Variants in RAB23 observed in about 807,000 individuals in gnomAD.
RAB23 encodes the protein RAB23, member RAS oncogene family.
Under a neutral mutation model 30.0 loss-of-function variants are expected in RAB23, and 15 were observed. The ratio of observed to expected loss-of-function variants is 0.50; its 90% CI spans 0.33 to 0.77. The LOEUF is 0.77. Ranked by LOEUF, RAB23 falls within the 30% of genes least tolerant of loss-of-function variation. The pLI is 0.02. For synonymous variants in RAB23, 93 were observed against 94.0 expected (o/e 0.99, Z 0.06); for missense variants, 243 against 275.4 (o/e 0.88, Z 0.83).
intron 2 of RAB23, among the ~76,000 whole-genome samples, chr6:57,207,972 A>G (rs1254176500): frequency 6.6e-6 from 1 of 152,210 alleles, no homozygotes; most frequent in African/African-American, 2.4e-5. Flanking sequence ...GAACTATTAT[A>G]AATCCTTATG....
rs369247420 is a variant in RAB23 at position 57,195,983 on chromosome 6, T to C, written c.398+467A>G. On this transcript the variant is annotated intron_variant, in intron 4 of 6. Coordinates refer to ENST00000468148, the MANE Select transcript of RAB23 (RefSeq NM_016277.5). Reference sequence around the variant, plus strand: ...AAAATAATAATACAATAAGTAAATATTTATGAACAGAAATTATCTGTTCAC... The same window carrying C: ...AAAATAATAATACAATAAGTAAATACTTATGAACAGAAATTATCTGTTCAC... Among the ~76,000 whole-genome samples the C allele has an allele frequency of 3.9e-5, 6 of 152,278 alleles. No homozygotes were observed. The East Asian group carries it at 5.8e-4, about 15-fold the overall frequency.
chr6:57,205,294 CAGAGTAT>C (rs534284468), intron 3 of RAB23, among the ~76,000 whole-genome samples: 29 of 151,922 alleles, frequency 1.9e-4, no homozygotes, highest in Admixed American at 1.7e-3. Context: ...TACTTAAGGT[CAGAGTAT>C]AAAGTTATAG....
At chr6:57,215,007 T>C (rs979388866) in intron 1 of RAB23, among the ~76,000 whole-genome samples, 5 of 152,186 alleles carry the variant, frequency 3.3e-5, no homozygotes, top group Admixed American at 6.5e-5. Flanking sequence ...AAATGGAAAG[T>C]AGAACTGAAA....
At chr6:57,196,843 A>G (rs1374728979) in intron 3 of RAB23, among the ~76,000 whole-genome samples, 2 of 152,142 alleles carry the variant, frequency 1.3e-5, no homozygotes, top group African/African-American at 4.8e-5. Flanking sequence ...CAACATATAA[A>G]TTCTATTTTC....
rs1337044929 is a variant in RAB23 at position 57,193,848 on chromosome 6, T to C, written c.568A>G (p.Lys190Glu). 3.1e-6 allele frequency: 5 copies of C among 1,612,700 alleles called. No individual in the cohort carries two copies. The highest frequency in any genetic ancestry group is 3.4e-6 in the Non-Finnish European group (4 of 1,179,252). ...AAATTTCCTATGTACTTACCAATCT[T>C]GTTACTACTTGAATGCGTTAGTTCT... ...DPELTHSSSNKIGVFNTSGGS... is the reference protein window; with the variant it reads ...DPELTHSSSNEIGVFNTSGGS... Residue 190 changes from lysine to glutamate, a missense_variant, in exon 6 of 7, where the codon AAG (lysine) becomes GAG (glutamate). Transcript: ENST00000468148.
intron 4 of RAB23, among the ~76,000 whole-genome samples, chr6:57,195,815 G>A (rs561413387): frequency 3.3e-5 from 5 of 152,264 alleles, no homozygotes; most frequent in Middle Eastern, 3.4e-3. Flanking sequence ...TCAAACTCCT[G>A]ATCTACAGAA....
rs1267170897 is a variant in RAB23 at position 57,222,242 on chromosome 6, C to A, written c.-582G>T. ...ATTGAGTGGCTCAGCAGCAGCTCCG[C>A]CGGGGGTGGTGGGGCGCGGGAGTCT... is the stretch of plus-strand genomic sequence containing the variant. On this transcript the variant is annotated 5_prime_UTR_variant, in exon 1 of 7. Coordinates refer to ENST00000468148, the MANE Select transcript of RAB23 (RefSeq NM_016277.5). 6.6e-6 allele frequency: 1 copy of A among 152,506 alleles called. No individual in the cohort carries two copies. Among genetic ancestry groups the A allele is most frequent in the Admixed American group, 6.5e-5 (1 of 15,286 alleles). The allele number at this position is 152,506 out of a possible 1,614,324, so 9.4% of individuals were successfully genotyped here. A position where few individuals can be genotyped will look rare whatever the true frequency, so the allele number is the denominator to read the frequency against.
intron 1 of RAB23, among the ~76,000 whole-genome samples, chr6:57,213,026 G>T (rs191317397): frequency 3.0e-4 from 45 of 151,782 alleles, no homozygotes; most frequent in Admixed American, 2.8e-3. Flanking sequence ...ATCCACAGAT[G>T]GGAGGTTGGT....
At position 57,217,872 on chromosome 6, in the gene RAB23, TAC is replaced by T. The variant is rs971441620; in HGVS notation, c.-66+3852_-66+3853del. ...AGACTAACACAAAAAAGAGAGAGGA[TAC>T]AAATACCTAATACCGGGAATAAAAT... On this transcript the variant is annotated intron_variant, in intron 1 of 6. Coordinates refer to ENST00000468148, the MANE Select transcript of RAB23 (RefSeq NM_016277.5). Among the ~76,000 whole-genome samples the T allele has an allele frequency of 2.3e-4, 35 of 152,122 alleles. No individual in the cohort carries two copies. In the Middle Eastern group the frequency reaches 0.017, roughly 74 times the overall value.
intron 3 of RAB23, among the ~76,000 whole-genome samples, chr6:57,205,971 A>G (rs1201545350): frequency 6.6e-6 from 1 of 152,240 alleles, no homozygotes; most frequent in African/African-American, 2.4e-5. Flanking sequence ...CTCTTTTGGA[A>G]AATGACAGAG....
intron 3 of RAB23, among the ~76,000 whole-genome samples, chr6:57,199,529 A>T (rs1056829677): frequency 1.3e-5 from 2 of 152,254 alleles, no homozygotes; most frequent in Admixed American, 6.5e-5. Flanking sequence ...CAATCACCTT[A>T]AGAATAAGAG....
rs182142512 is a variant in RAB23 at position 57,189,260 on chromosome 6, T to C, written c.*1201A>G. 3.9e-5 allele frequency: 6 copies of C among 152,298 alleles called. No individual in the cohort carries two copies. The highest frequency in any genetic ancestry group is 2.1e-4 in the South Asian group (1 of 4,824). 9.4% of individuals were successfully genotyped at this position (152,298 alleles called of 1,614,324 possible). A position where few individuals can be genotyped will look rare whatever the true frequency, so the allele number is the denominator to read the frequency against. On this transcript the variant is annotated 3_prime_UTR_variant, in exon 7 of 7. Coordinates refer to ENST00000468148, the MANE Select transcript of RAB23 (RefSeq NM_016277.5). The stretch of plus-strand genomic sequence containing the variant: ...AGAAAGTGCTATACAAACAAGGTTA[T>C]AGAAATGTTGAAGTGATTGATAATC...
chr6:57,194,720 G>C, intron 5 of RAB23, 50 bp downstream of exon 5: 2 of 1,319,362 alleles, frequency 1.5e-6, no homozygotes, highest in East Asian at 2.3e-5. Context: ...TTTTAAAAGC[G>C]CAAGAATAAA....
chr6:57,195,453 C>T (rs548859465), intron 4 of RAB23, among the ~76,000 whole-genome samples: 4 of 152,264 alleles, frequency 2.6e-5, no homozygotes, highest in African/African-American at 7.2e-5. Context: ...CATAGGCTCC[C>T]GCTATTTCTC....
In RAB23 at chr6:57,193,877, T is replaced by A; in HGVS notation, c.539A>T (p.Asp180Val). 1 of 1,613,054 alleles carries A rather than the reference T, an allele frequency of 6.2e-7. No individual in the cohort carries two copies. The highest frequency in any genetic ancestry group is 8.5e-7 in the Non-Finnish European group (1 of 1,179,366). The change falls in exon 6 of 7, where the codon GAT becomes GTT. Residue 180 changes from aspartate (D) to valine (V), a missense_variant. Transcript: ENST00000468148. ...ACTACTTGAATGCGTTAGTTCTGGA[T>A]CCTCAGCTATTTGTTGTTTGAGTTT... Reference protein sequence around the residue: ...LQKLKQQIAEDPELTHSSSNK... With the variant: ...LQKLKQQIAEVPELTHSSSNK...
intron 3 of RAB23, among the ~76,000 whole-genome samples, chr6:57,203,000 GTTTTTTTTTTTTTT>G (rs1170559704): frequency 1.2e-5 from 1 of 82,598 alleles, no homozygotes; most frequent in Non-Finnish European, 2.3e-5. Context: ...AAGATAGGCT[GTTTTTTTTTTTTTT>G]TTTTTTTTTT....
At chr6:57,194,488 GT>G (rs537035860) in intron 5 of RAB23, among the ~76,000 whole-genome samples, 1 of 151,842 alleles carries the variant, frequency 6.6e-6, no homozygotes, top group Non-Finnish European at 1.5e-5. Flanking sequence ...TTTTTAACAG[GT>G]ATGCATCAAA....
rs780308689 is a variant in RAB23, at chr6:57,188,791, T to TTAA, written c.*1667_*1669dup. The TTAA allele has an allele frequency of 8.5e-5, 13 of 152,312 alleles. No homozygotes were observed. The highest frequency in any genetic ancestry group is 2.1e-4 in the South Asian group (1 of 4,828). The allele number at this position is 152,312 out of a possible 1,614,324, so 9.4% of individuals were successfully genotyped here. ...ATAATGAAAAGCAAAAATTTACTTT[T>TTAA]TAATTTTTTTTATTTTTCCATCTAA... is the stretch of plus-strand genomic sequence containing the variant. On this transcript the variant is annotated 3_prime_UTR_variant, in exon 7 of 7. Coordinates refer to ENST00000468148, the MANE Select transcript of RAB23 (RefSeq NM_016277.5).
chr6:57,218,806 C>T (rs867828242), intron 1 of RAB23, among the ~76,000 whole-genome samples: 11 of 150,042 alleles, frequency 7.3e-5, no homozygotes, highest in South Asian at 6.3e-4. Context: ...GAGCTGAGAT[C>T]GTGTGCCACT....
Sources: allele counts gnomAD v4.1 joint callset (sites outside exome capture counted in the v4.1 genomes callset), GRCh38; gene constraint gnomAD v4.1.1; transcripts MANE v1.5; gene names NCBI Gene and HGNC (gene_info 2026-07-23, HGNC 2026-07-21).